FER: variants seen among roughly 807,000 people sequenced by gnomAD.
The protein encoded by FER is tyrosine-protein kinase Fer.
Under a neutral mutation model 111.0 loss-of-function variants are expected in FER, and 63 were observed. That is an observed-to-expected ratio of 0.57 (90% CI 0.46 to 0.70). FER has a LOEUF of 0.70. FER is among the 30% of genes least tolerant of loss of function. FER has a pLI of 0.00. For synonymous variants in FER, 327 were observed against 313.9 expected, an observed-to-expected ratio of 1.04 and a Z score of -0.44; for missense variants, 914 against 954.0, an observed-to-expected ratio of 0.96 and a Z score of 0.55.
chr5:108,888,828 T>C (rs1747573622), intron 9 of FER, among the ~76,000 whole-genome samples: 1 of 151,936 alleles, frequency 6.6e-6, no homozygotes, highest in Non-Finnish European at 1.5e-5. Context: ...TGAATTTTTC[T>C]AATTGATTTC....
intron 5 of FER, among the ~76,000 whole-genome samples, chr5:108,864,674 G>T (rs1487394108): frequency 2.0e-5 from 3 of 152,160 alleles, no homozygotes; most frequent in Non-Finnish European, 4.4e-5. Context: ...TTGTAGATAT[G>T]CGGCATTATT....
chr5:108,852,174 A>C (rs906442762), intron 5 of FER, among the ~76,000 whole-genome samples: 1 of 152,236 alleles, frequency 6.6e-6, no homozygotes, highest in Non-Finnish European at 1.5e-5. Flanking sequence ...AGTAGCTGCA[A>C]GTCTCATTCA....
intron 1 of FER, among the ~76,000 whole-genome samples, chr5:108,753,651 C>T (rs1041252877): frequency 4.6e-5 from 7 of 152,034 alleles, no homozygotes; most frequent in Admixed American, 3.9e-4. Context: ...TTAATAATAC[C>T]CTTATTTGTA....
chr5:108,848,080 A>G (rs556589002), intron 5 of FER, among the ~76,000 whole-genome samples: 1 of 152,008 alleles, frequency 6.6e-6, no homozygotes, highest in Non-Finnish European at 1.5e-5. Flanking sequence ...GGGTTTCGCC[A>G]TCTTCCCTAG....
intron 13 of FER, among the ~76,000 whole-genome samples, chr5:109,024,176 C>G (rs1329976979): frequency 1.3e-5 from 2 of 152,134 alleles, no homozygotes; most frequent in African/African-American, 4.8e-5. Flanking sequence ...GAACAGAAGA[C>G]TATTTCTGCA....
chr5:108,795,278 T>C (rs542458966), intron 2 of FER, among the ~76,000 whole-genome samples: 24 of 152,320 alleles, frequency 1.6e-4, no homozygotes, highest in African/African-American at 5.8e-4. Context: ...TAAACTGTGA[T>C]TGTGCCACTG....
intron 5 of FER, among the ~76,000 whole-genome samples, chr5:108,854,236 C>G (rs894720846): frequency 6.6e-6 from 1 of 152,170 alleles, no homozygotes; most frequent in Non-Finnish European, 1.5e-5. Context: ...AACTCACAAC[C>G]AATGGTGCTA....
chr5:109,178,648 C>CTG (rs1561996578), intron 17 of FER, among the ~76,000 whole-genome samples: 1 of 152,218 alleles, frequency 6.6e-6, no homozygotes, highest in Non-Finnish European at 1.5e-5. Context: ...TAGATCCTCT[C>CTG]TGTTCTATTC....
chr5:109,139,346 C>CTTT (rs1753264534), intron 17 of FER, among the ~76,000 whole-genome samples: 1 of 87,032 alleles, frequency 1.1e-5, no homozygotes, highest in Non-Finnish European at 2.1e-5. Context: ...CTCCTTCTTT[C>CTTT]TTTCTTTTTT....
chr5:109,128,750 ATTATT>A (rs1394791646), intron 17 of FER, among the ~76,000 whole-genome samples: 8 of 152,274 alleles, frequency 5.3e-5, no homozygotes, highest in African/African-American at 1.9e-4. Flanking sequence ...TAAATGAGTT[ATTATT>A]TTAATATATG....
chr5:109,052,952 CTT>C (rs537954232), intron 16 of FER, among the ~76,000 whole-genome samples: 209 of 152,290 alleles, frequency 1.4e-3, no homozygotes, highest in Middle Eastern at 0.01. Context: ...TTGAATGCCT[CTT>C]TTACCCATGC....
chr5:109,026,841 G>T (rs1292502758), intron 13 of FER, among the ~76,000 whole-genome samples: 1 of 152,090 alleles, frequency 6.6e-6, no homozygotes, highest in Non-Finnish European at 1.5e-5. Flanking sequence ...ACCATGCGTG[G>T]CTAATTTTTT....
chr5:109,013,715 C>T (rs1766636930), intron 13 of FER, among the ~76,000 whole-genome samples: 1 of 151,958 alleles, frequency 6.6e-6, no homozygotes, highest in Non-Finnish European at 1.5e-5. Context: ...AAAAGTGTTC[C>T]TATTTCTCCA....
intron 3 of FER, chr5:108,819,697 AACTAATGGAGACCATCAATTCC>A (rs946981662): frequency 2.9e-6 from 2 of 697,688 alleles, no homozygotes; most frequent in African/African-American, 3.9e-5. Context: ...GGTTGGAAAG[AACTAATGGAGACCATCAATTCC>A]ACCTGTTCAT....
Position 109,195,804 on chromosome 5 carries a change from T to A in FER, c.*8229T>A, listed in dbSNP as rs1358120128. 1 of 152,234 alleles carries A rather than the reference T, an allele frequency of 6.6e-6. No individual in the cohort carries two copies. The highest frequency in any genetic ancestry group is 2.4e-5 in the African/African-American group (1 of 41,464). The allele number at this position is 152,234 out of a possible 1,614,324, so 9.4% of individuals were successfully genotyped here. A position where few individuals can be genotyped will look rare whatever the true frequency, so the allele number is the denominator to read the frequency against. The stretch of plus-strand genomic sequence containing the variant: ...ATTGAGGTTTCCCACTGAAACAGCT[T>A]CTTTAGTCAGACGTCTATAGATTTT... On this transcript the variant is annotated 3_prime_UTR_variant, in exon 20 of 20. Coordinates refer to ENST00000281092, the MANE Select transcript of FER (RefSeq NM_005246.4).
At chr5:109,117,348 A>G (rs1032100312) in intron 17 of FER, among the ~76,000 whole-genome samples, 1 of 152,060 alleles carries the variant, frequency 6.6e-6, no homozygotes, top group Admixed American at 6.6e-5. Context: ...TCTACACCCT[A>G]TAATTCCACT....
chr5:109,107,667 C>A (rs1749105241), intron 17 of FER, among the ~76,000 whole-genome samples: 1 of 152,070 alleles, frequency 6.6e-6, no homozygotes, highest in Admixed American at 6.6e-5. Context: ...AAAGTTCAGC[C>A]AGGCTTTGGA....
chr5:109,059,502 TG>T, intron 16 of FER, among the ~76,000 whole-genome samples: 2 of 152,280 alleles, frequency 1.3e-5, no homozygotes, highest in East Asian at 3.9e-4. Flanking sequence ...CCCTCCAGCC[TG>T]GCGACAGAGT....
At chr5:109,010,581 G>C (rs988912234) in intron 13 of FER, among the ~76,000 whole-genome samples, 1 of 152,024 alleles carries the variant, frequency 6.6e-6, no homozygotes, top group Non-Finnish European at 1.5e-5. Flanking sequence ...TCCAAATTAA[G>C]ATAGTCCAAA....
Sources: allele counts gnomAD v4.1 joint callset (sites outside exome capture counted in the v4.1 genomes callset), GRCh38; gene constraint gnomAD v4.1.1; transcripts MANE v1.5; gene names NCBI Gene and HGNC (gene_info 2026-07-23, HGNC 2026-07-21).